The following TPTE2 variants were observed in gnomAD, a reference collection of about 807,000 sequenced individuals.
TPTE2 encodes phosphatidylinositol 3,4,5-trisphosphate 3-phosphatase TPTE2.
In TPTE2, 53 loss-of-function variants were observed where a neutral mutation model predicts 78.6. That is an observed-to-expected ratio of 0.67 (90% CI 0.54 to 0.85). The LOEUF (loss-of-function observed/expected upper bound fraction) is 0.85, where lower values mean the gene tolerates loss of function less well. TPTE2 is among the 40% of genes least tolerant of loss of function. The pLI is 0.00. For synonymous variants in TPTE2, 175 were observed against 206.2 expected (o/e 0.85, Z 1.30); for missense variants, 461 against 623.0 (o/e 0.74, Z 2.77).
chr13:19,445,823 C>A (rs1449158384), intron 13 of TPTE2, among the ~76,000 whole-genome samples: 1 of 152,172 alleles, frequency 6.6e-6, no homozygotes, highest in Non-Finnish European at 1.5e-5. Context: ...CGCCTGTAAT[C>A]CCAGTTACTC....
the TPTE2 span, among the ~76,000 whole-genome samples, chr13:19,542,914 C>A: frequency 5.9e-5 from 9 of 151,760 alleles, no homozygotes; most frequent in African/African-American, 2.2e-4. Context: ...TCACTTGAGC[C>A]CAGGAGGTCA....
upstream of TPTE2, among the ~76,000 whole-genome samples, chr13:19,540,204 G>T (rs997567239): frequency 6.6e-6 from 1 of 151,742 alleles, no homozygotes; most frequent in Non-Finnish European, 1.5e-5. Context: ...TAAATCTAGA[G>T]ATTAATGTGG....
chr13:19,537,294 C>T (rs1450599590), upstream of TPTE2, among the ~76,000 whole-genome samples: 6 of 146,900 alleles, frequency 4.1e-5, no homozygotes, highest in East Asian at 6.1e-4. Flanking sequence ...AGTGCAGTGG[C>T]GCGATCTTGG....
chr13:19,511,233 A>G (rs1167758330), intron 1 of TPTE2, among the ~76,000 whole-genome samples: 1 of 152,234 alleles, frequency 6.6e-6, no homozygotes, highest in Admixed American at 6.5e-5. Flanking sequence ...TAGGGGATGC[A>G]TGCTGTGGAA....
upstream of TPTE2, among the ~76,000 whole-genome samples, chr13:19,507,304 TAAAAA>T (rs370011146): frequency 8.9e-6 from 1 of 112,194 alleles, no homozygotes; most frequent in Non-Finnish European, 1.7e-5. Context: ...CTAGCTGTTC[TAAAAA>T]AAAAAAAAAA....
intron 10 of TPTE2, among the ~76,000 whole-genome samples, chr13:19,460,717 C>T (rs1878835321): frequency 6.6e-6 from 1 of 152,084 alleles, no homozygotes; most frequent in African/African-American, 2.4e-5. Flanking sequence ...GAGAGGTACT[C>T]CTTCCACCTC....
chr13:19,459,071 T>A (rs923747288), intron 10 of TPTE2, among the ~76,000 whole-genome samples: 1 of 152,134 alleles, frequency 6.6e-6, no homozygotes, highest in African/African-American at 2.4e-5. Context: ...TCCACAACCT[T>A]CCCAGCATCT....
chr13:19,495,952 T>G (rs1881286315), intron 1 of TPTE2, among the ~76,000 whole-genome samples: 1 of 151,966 alleles, frequency 6.6e-6, no homozygotes, highest in African/African-American at 2.4e-5. Context: ...CACTGCAACC[T>G]CTGCCTCCCA....
chr13:19,501,876 G>A (rs1849425777), intron 1 of TPTE2, among the ~76,000 whole-genome samples: 1 of 150,900 alleles, frequency 6.6e-6, no homozygotes, highest in African/African-American at 2.4e-5. Flanking sequence ...CAAAATGGGA[G>A]AAAATTTTCG....
In TPTE2 at chr13:19,511,451, TG is replaced by T. The variant is rs201062649; in HGVS notation, c.-43-8175del. ...AAACATATGAAAATTGTTGCATATA[TG>T]CATATATCTGTATATGTCAATATGT... On this transcript the variant is annotated intron_variant, in intron 1 of 17. Coordinates refer to the TPTE2 transcript ENST00000390680. Among the ~76,000 whole-genome samples, 107 of 152,350 alleles carry T rather than the reference TG, an allele frequency of 7.0e-4. 1 individual carries two copies. In the East Asian group the frequency reaches 0.019, roughly 28 times the overall value.
At chr13:19,556,161 C>A in the TPTE2 span, among the ~76,000 whole-genome samples, 1 of 152,052 alleles carries the variant, frequency 6.6e-6, no homozygotes, top group Admixed American at 6.6e-5. Context: ...TGGGGAGAGG[C>A]GATTCATTGT....
intron 1 of TPTE2, among the ~76,000 whole-genome samples, chr13:19,525,170 G>C (rs958703181): frequency 6.6e-6 from 1 of 152,016 alleles, no homozygotes; most frequent in Non-Finnish European, 1.5e-5. Flanking sequence ...TGAGAGGAGA[G>C]ACAGATTTGA....
intron 1 of TPTE2, among the ~76,000 whole-genome samples, chr13:19,534,337 G>A (rs188948044): frequency 6.6e-6 from 1 of 152,264 alleles, no homozygotes; most frequent in African/African-American, 2.4e-5. Flanking sequence ...AAAATTTTAA[G>A]TCAAAGCATC....
intron 4 of TPTE2, among the ~76,000 whole-genome samples, chr13:19,478,090 A>G (rs922496611): frequency 4.6e-5 from 7 of 152,216 alleles, no homozygotes; most frequent in African/African-American, 1.7e-4. Flanking sequence ...CTAAATAATA[A>G]TTGTTAATGT....
intron 13 of TPTE2, among the ~76,000 whole-genome samples, chr13:19,445,216 T>C (rs932047639): frequency 9.9e-5 from 15 of 151,766 alleles, no homozygotes; most frequent in African/African-American, 2.9e-4. Context: ...AATAACAGAA[T>C]TGAAATCAGA....
At chr13:19,481,249 A>G (rs1254586239) in intron 4 of TPTE2, among the ~76,000 whole-genome samples, 1 of 152,228 alleles carries the variant, frequency 6.6e-6, no homozygotes, top group Non-Finnish European at 1.5e-5. Flanking sequence ...CAGTTTTTAG[A>G]ATAAAACCTA....
At chr13:19,431,162 T>A (rs1876572077) in intron 16 of TPTE2, among the ~76,000 whole-genome samples, 3 of 151,296 alleles carry the variant, frequency 2.0e-5, no homozygotes, top group Admixed American at 6.6e-5. Flanking sequence ...AGAAAAAAAA[T>A]TCAGGAAAGG....
chr13:19,515,491 G>A (rs563861571), intron 1 of TPTE2, among the ~76,000 whole-genome samples: 1 of 152,290 alleles, frequency 6.6e-6, no homozygotes, highest in Admixed American at 6.5e-5. Context: ...AGCCTGTGGG[G>A]AAAGGAGTGC....
chr13:19,461,264 A>C (rs566262091), intron 10 of TPTE2, among the ~76,000 whole-genome samples: 1 of 152,264 alleles, frequency 6.6e-6, no homozygotes, highest in Non-Finnish European at 1.5e-5. Flanking sequence ...TCATTTAAAA[A>C]ATCTGTTTCC....
Sources: allele counts gnomAD v4.1 joint callset (sites outside exome capture counted in the v4.1 genomes callset), GRCh38; gene constraint gnomAD v4.1.1; transcripts MANE v1.5; gene names NCBI Gene and HGNC (gene_info 2026-07-23, HGNC 2026-07-21).